Variants in CCDC30 observed in about 807,000 individuals in gnomAD.
CCDC30 encodes coiled-coil domain-containing protein 30.
CCDC30 carries 70 observed loss-of-function variants against 100.2 expected under a neutral mutation model. The observed-to-expected ratio is 0.70, with a 90% CI of 0.58 to 0.85. The LOEUF is 0.85. CCDC30 is among the 40% of genes least tolerant of loss of function. The pLI is 0.00. For synonymous variants in CCDC30, 233 were observed against 269.5 expected (o/e 0.86, Z 1.33); for missense variants, 652 against 771.2 (o/e 0.85, Z 1.83).
intron 6 of CCDC30, among the ~76,000 whole-genome samples, chr1:42,517,641 T>TTC (rs34362235): frequency 0.38 from 57,778 of 151,942 alleles, 11,417 homozygotes; most frequent in East Asian, 0.59. Context: ...CATGTGGATG[T>TTC]TGTTTTATCA....
At chr1:42,485,132 G>C (rs2148459706) in intron 3 of CCDC30, among the ~76,000 whole-genome samples, 1 of 152,218 alleles carries the variant, frequency 6.6e-6, no homozygotes, top group African/African-American at 2.4e-5. Flanking sequence ...TCTAGGATTT[G>C]CTTCAAAATA....
chr1:42,460,014 A>G (rs960008686), upstream of CCDC30: 5 of 1,473,420 alleles, frequency 3.4e-6, no homozygotes, highest in Admixed American at 1.0e-4. Flanking sequence ...TCATATGGAC[A>G]GATAAAATGA....
exon 2 of CCDC30, chr1:42,480,553 T>G: frequency 1.1e-6 from 1 of 946,172 alleles, no homozygotes; most frequent in Non-Finnish European, 1.3e-6. Flanking sequence ...CCTCCCAAAA[T>G]GCTGGAATTA....
At chr1:42,601,146 G>C (rs1443174525) in intron 10 of CCDC30, among the ~76,000 whole-genome samples, 7 of 152,112 alleles carry the variant, frequency 4.6e-5, no homozygotes, top group Non-Finnish European at 8.8e-5. Context: ...CAACAGACTT[G>C]TAAACACAAA....
At chr1:42,485,124 T>A (rs1001485712) in intron 3 of CCDC30, among the ~76,000 whole-genome samples, 6 of 152,166 alleles carry the variant, frequency 3.9e-5, no homozygotes, top group South Asian at 2.1e-4. Context: ...AAATGATGTC[T>A]AGGATTTGCT....
At chr1:42,621,496 AT>A (rs1331562196) in intron 11 of CCDC30, among the ~76,000 whole-genome samples, 2 of 109,606 alleles carry the variant, frequency 1.8e-5, no homozygotes, top group Non-Finnish European at 4.2e-5. Flanking sequence ...TGTTTATTTT[AT>A]TTTATTTATT....
intron 5 of CCDC30, among the ~76,000 whole-genome samples, chr1:42,497,968 G>T (rs918306922): frequency 6.6e-6 from 1 of 152,134 alleles, no homozygotes; most frequent in African/African-American, 2.4e-5. Flanking sequence ...ACATAGATTT[G>T]TACATCCATA....
chr1:42,541,655 A>G (rs1420238055), intron 6 of CCDC30, among the ~76,000 whole-genome samples: 1 of 152,250 alleles, frequency 6.6e-6, no homozygotes, highest in African/African-American at 2.4e-5. Context: ...TGCAATAGAT[A>G]CATATCTTGT....
chr1:42,568,351 G>C (rs960475793), intron 7 of CCDC30, among the ~76,000 whole-genome samples: 1 of 152,126 alleles, frequency 6.6e-6, no homozygotes, highest in Non-Finnish European at 1.5e-5. Flanking sequence ...CTGACCTCAG[G>C]TGATCCTTCC....
intron 6 of CCDC30, chr1:42,539,185 T>G (rs1363320644): frequency 6.3e-7 from 1 of 1,584,516 alleles, no homozygotes; most frequent in Non-Finnish European, 8.6e-7. Context: ...ATTGCAAAAA[T>G]CAAAGTCAGA....
chr1:42,539,404 T>G, intron 6 of CCDC30, 94 bp downstream of exon 8: 1 of 1,175,414 alleles, frequency 8.5e-7, no homozygotes, highest in South Asian at 1.8e-5. Context: ...ACAGATGATT[T>G]GGGAATTGGA....
At chr1:42,530,088 G>T (rs1252833704) in intron 6 of CCDC30, among the ~76,000 whole-genome samples, 1 of 152,118 alleles carries the variant, frequency 6.6e-6, no homozygotes, top group East Asian at 1.9e-4. Context: ...CTCCTGACAT[G>T]CAACCATGGA....
chr1:42,460,189 T>C, upstream of CCDC30: 1 of 1,155,320 alleles, frequency 8.7e-7, no homozygotes, highest in Non-Finnish European at 1.1e-6. Flanking sequence ...AAAATATACA[T>C]GGGGGCCTGA....
chr1:42,618,990 T>TG (rs1485608078), intron 11 of CCDC30, among the ~76,000 whole-genome samples: 1 of 152,172 alleles, frequency 6.6e-6, no homozygotes, highest in African/African-American at 2.4e-5. Flanking sequence ...AGAACTTACA[T>TG]GGCCTCATAT....
At chr1:42,476,690 CAAA>C (rs545352046) in intron 1 of CCDC30, among the ~76,000 whole-genome samples, 1 of 108,726 alleles carries the variant, frequency 9.2e-6, no homozygotes. Flanking sequence ...AACTCCTTCT[CAAA>C]AAAAAAAAAA....
intron 6 of CCDC30, among the ~76,000 whole-genome samples, chr1:42,522,931 G>T (rs1248300499): frequency 6.6e-6 from 1 of 151,942 alleles, no homozygotes; most frequent in Non-Finnish European, 1.5e-5. Context: ...GCTGGAGTGT[G>T]TGATTTTCCC....
intron 1 of CCDC30, among the ~76,000 whole-genome samples, chr1:42,480,035 G>T (rs567853392): frequency 6.6e-6 from 1 of 152,098 alleles, no homozygotes; most frequent in Non-Finnish European, 1.5e-5. Context: ...CTGATGGCTA[G>T]GCTTTTTTGG....
chr1:42,567,890 A>G (rs1202538146), intron 7 of CCDC30, among the ~76,000 whole-genome samples: 1 of 152,182 alleles, frequency 6.6e-6, no homozygotes, highest in Non-Finnish European at 1.5e-5. Flanking sequence ...ATAGCTTGGT[A>G]ACAAGAGAAG....
downstream of CCDC30, among the ~76,000 whole-genome samples, chr1:42,654,994 T>C (rs1429860367): frequency 6.6e-6 from 1 of 151,778 alleles, no homozygotes; most frequent in Non-Finnish European, 1.5e-5. Context: ...ATTACACCAA[T>C]ACCACAGTCT....
Sources: gnomAD v4.1 joint callset for allele counts (sites outside exome capture counted in the v4.1 genomes callset) on GRCh38, gnomAD v4.1.1 for gene constraint, MANE v1.5 for transcripts, NCBI Gene and HGNC (gene_info 2026-07-23, HGNC 2026-07-21) for gene names.